Variants in LRP1B observed in about 807,000 individuals in gnomAD.
LRP1B encodes the protein low-density lipoprotein receptor-related protein 1B.
Under a neutral mutation model 556.6 loss-of-function variants are expected in LRP1B, and 217 were observed. The ratio of observed to expected loss-of-function variants is 0.39; its 90% CI spans 0.35 to 0.44. LRP1B has a LOEUF of 0.44. Among genes scored for constraint, LRP1B ranks in the 20% least tolerant of loss-of-function variants. LRP1B has a pLI of 1.00. For missense variants in LRP1B, 5,053 were observed against 5,620.8 expected (o/e 0.90, Z 3.23); for synonymous variants, 2,047 against 1,865.8 (o/e 1.10, Z -2.50).
intron 2 of LRP1B, among the ~76,000 whole-genome samples, chr2:141,651,605 C>T (rs1689795630): frequency 6.6e-6 from 1 of 152,162 alleles, no homozygotes; most frequent in Non-Finnish European, 1.5e-5. Flanking sequence ...GTGGAGGTTG[C>T]AGTGAGCAGA....
At chr2:140,491,021 A>G (rs1345954512) in intron 57 of LRP1B, among the ~76,000 whole-genome samples, 1 of 152,160 alleles carries the variant, frequency 6.6e-6, no homozygotes, top group African/African-American at 2.4e-5. Context: ...TTAAAAAAAG[A>G]GCATTAAAGT....
At chr2:140,362,973 G>T (rs904874800) in intron 72 of LRP1B, among the ~76,000 whole-genome samples, 1 of 151,586 alleles carries the variant, frequency 6.6e-6, no homozygotes, top group East Asian at 1.9e-4. Context: ...TTGAATGAAT[G>T]AATGAATGAA....
chr2:141,889,725 C>T (rs1255100792), intron 1 of LRP1B, among the ~76,000 whole-genome samples: 1 of 152,026 alleles, frequency 6.6e-6, no homozygotes, highest in Non-Finnish European at 1.5e-5. Context: ...GAAGGCATGC[C>T]AAACTTAAAT....
At chr2:140,816,180 T>G (rs1330156728) in intron 31 of LRP1B, among the ~76,000 whole-genome samples, 2 of 152,058 alleles carry the variant, frequency 1.3e-5, no homozygotes, top group African/African-American at 2.4e-5. Context: ...TGAACTGGCA[T>G]GATCTCGGCT....
intron 18 of LRP1B, among the ~76,000 whole-genome samples, chr2:140,952,892 GTTTA>G (rs1695760710): frequency 6.6e-6 from 1 of 152,102 alleles, no homozygotes; most frequent in African/African-American, 2.4e-5. Context: ...TTCACCTAGA[GTTTA>G]TTTAAGTTGC....
chr2:141,376,035 GC>G (rs1689419969), intron 3 of LRP1B, among the ~76,000 whole-genome samples: 5 of 152,260 alleles, frequency 3.3e-5, no homozygotes, highest in Admixed American at 3.3e-4. Context: ...CCATAGTAGG[GC>G]AGTAAGGACC....
chr2:141,708,941 G>A (rs1300730253), intron 2 of LRP1B, among the ~76,000 whole-genome samples: 2 of 152,132 alleles, frequency 1.3e-5, no homozygotes, highest in African/African-American at 4.8e-5. Flanking sequence ...CCCTAGACTT[G>A]TGAGAGAATA....
intron 44 of LRP1B, 113 bp from the exon 45 acceptor site, chr2:140,541,211 A>T: frequency 2.2e-6 from 2 of 891,312 alleles, no homozygotes. Context: ...ATATGTCATT[A>T]AAAAGGAACA....
intron 2 of LRP1B, among the ~76,000 whole-genome samples, chr2:141,739,295 C>G (rs573959179): frequency 6.6e-6 from 1 of 152,198 alleles, no homozygotes; most frequent in South Asian, 2.1e-4. Flanking sequence ...CTTTGCTAAA[C>G]ATTTCATTAA....
chr2:140,793,434 T>C (rs1224446155), intron 32 of LRP1B, among the ~76,000 whole-genome samples: 8 of 152,136 alleles, frequency 5.3e-5, no homozygotes, highest in African/African-American at 1.7e-4. Flanking sequence ...TTAGATAATT[T>C]ACTATTCTGT....
intron 1 of LRP1B, among the ~76,000 whole-genome samples, chr2:142,128,736 TATTTC>T (rs1707745322): frequency 6.6e-6 from 1 of 152,202 alleles, no homozygotes. Flanking sequence ...AACACGACAC[TATTTC>T]ATTTTTTAGA....
Position 140,556,324 on chromosome 2 carries a change from C to T in LRP1B, c.7195-14353G>A, listed in dbSNP as rs11900187. 8.3e-3 allele frequency among the ~76,000 whole-genome samples: 1,255 copies of T among 152,096 alleles called. 18 individuals are homozygous for T. Among genetic ancestry groups the T allele is most frequent in the African/African-American group, 0.029 (1,196 of 41,498 alleles). On this transcript the variant is annotated intron_variant, in intron 43 of 90. Transcript: ENST00000389484. ...CCTATACTTGGAGGAAAGGCCCCCCCACAATGTACTCTATACGTGGAGGAA... is the reference window on the plus strand; with the variant it reads ...CCTATACTTGGAGGAAAGGCCCCCCTACAATGTACTCTATACGTGGAGGAA...
At chr2:140,373,855 A>C (rs572983013) in intron 68 of LRP1B, among the ~76,000 whole-genome samples, 1 of 152,304 alleles carries the variant, frequency 6.6e-6, no homozygotes, top group African/African-American at 2.4e-5. Context: ...AAGAAGGCTA[A>C]GGATATGGAA....
intron 3 of LRP1B, among the ~76,000 whole-genome samples, chr2:141,325,150 C>T (rs1687386080): frequency 6.6e-6 from 1 of 151,730 alleles, no homozygotes; most frequent in African/African-American, 2.4e-5. Flanking sequence ...TACTGGATTA[C>T]AGTAATAATT....
chr2:140,974,686 T>C (rs1316955687), intron 18 of LRP1B, among the ~76,000 whole-genome samples: 1 of 152,212 alleles, frequency 6.6e-6, no homozygotes, highest in East Asian at 1.9e-4. Flanking sequence ...TGAGATTCTT[T>C]CTTTCGCCAT....
intron 2 of LRP1B, among the ~76,000 whole-genome samples, chr2:141,486,594 G>A (rs143385413): frequency 9.1e-4 from 139 of 151,960 alleles, no homozygotes; most frequent in African/African-American, 3.3e-3. Flanking sequence ...CTCCTTCCCC[G>A]CAGCTAACCT....
chr2:141,888,632 T>G (rs1364417055), intron 1 of LRP1B, among the ~76,000 whole-genome samples: 1 of 152,048 alleles, frequency 6.6e-6, no homozygotes, highest in Non-Finnish European at 1.5e-5. Flanking sequence ...TTCCACAACA[T>G]TCTAAAAGAT....
chr2:141,130,392 G>A (rs1251004546), intron 7 of LRP1B, among the ~76,000 whole-genome samples: 1 of 152,070 alleles, frequency 6.6e-6, no homozygotes, highest in Non-Finnish European at 1.5e-5. Flanking sequence ...TATTTATTTA[G>A]TAAATCCATA....
At chr2:140,985,684 C>A (rs1013360611) in intron 17 of LRP1B, among the ~76,000 whole-genome samples, 33 of 151,878 alleles carry the variant, frequency 2.2e-4, no homozygotes, top group African/African-American at 6.8e-4. Flanking sequence ...AATTCTCCAA[C>A]CCTTTCTCTT....
Sources: gnomAD v4.1 joint callset for allele counts (sites outside exome capture counted in the v4.1 genomes callset) on GRCh38, gnomAD v4.1.1 for gene constraint, MANE v1.5 for transcripts, NCBI Gene and HGNC (gene_info 2026-07-23, HGNC 2026-07-21) for gene names.